The following DYNLT5 variants were observed in gnomAD, a reference collection of about 807,000 sequenced individuals.
The protein encoded by DYNLT5 is dynein light chain Tctex-type 5.
A neutral mutation model predicts 19.3 loss-of-function variants in DYNLT5; 25 were observed. That is an observed-to-expected ratio of 1.30 (90% CI 0.95 to 1.81). The LOEUF is 1.81. Ranked by LOEUF, DYNLT5 falls within the 40% of genes most tolerant of loss-of-function variation. DYNLT5 has a pLI of 0.00. For synonymous variants in DYNLT5, 82 were observed against 68.9 expected, an observed-to-expected ratio of 1.19 and a Z score of -0.94; for missense variants, 232 against 217.9, an observed-to-expected ratio of 1.06 and a Z score of -0.41.
At chr1:66,765,640 CTT>C (rs11399958) in intron 2 of DYNLT5, among the ~76,000 whole-genome samples, 70 of 138,618 alleles carry the variant, frequency 5.0e-4, no homozygotes, top group Non-Finnish European at 5.5e-4. Flanking sequence ...TTTTCTTTTT[CTT>C]TTTTTTTTTT....
intron 3 of DYNLT5, among the ~76,000 whole-genome samples, chr1:66,772,458 C>T (rs1427264554): frequency 1.3e-5 from 2 of 152,196 alleles, no homozygotes; most frequent in African/African-American, 4.8e-5. Flanking sequence ...ACCTTCCTGG[C>T]CCCAACACCT....
chr1:66,777,057 A>C (rs1645240399), intron 4 of DYNLT5, among the ~76,000 whole-genome samples, 194 bp from the exon 5 acceptor site: 1 of 152,170 alleles, frequency 6.6e-6, no homozygotes, highest in Admixed American at 6.5e-5. Flanking sequence ...TGGTGTTAAA[A>C]TTTTGTTCCT....
chr1:66,769,381 T>G (rs1255639021), intron 2 of DYNLT5, among the ~76,000 whole-genome samples: 1 of 152,160 alleles, frequency 6.6e-6, no homozygotes, highest in African/African-American at 2.4e-5. Context: ...TTGCAAGAAG[T>G]TCATTAATTC....
At chr1:66,774,075 T>C (rs1327754880) in intron 3 of DYNLT5, among the ~76,000 whole-genome samples, 1 of 152,088 alleles carries the variant, frequency 6.6e-6, no homozygotes, top group East Asian at 1.9e-4. Flanking sequence ...GGAAAGGACA[T>C]TGGTAGCACT....
chr1:66,760,308 A>G (rs937731338), intron 2 of DYNLT5, among the ~76,000 whole-genome samples: 4 of 152,066 alleles, frequency 2.6e-5, no homozygotes, highest in Admixed American at 2.6e-4. Flanking sequence ...TTTTTTTTCC[A>G]GTATTGCATC....
At chr1:66,776,560 G>GGTGTGTGT (rs112651579) in intron 4 of DYNLT5, among the ~76,000 whole-genome samples, 157 bp downstream of exon 4, 1 of 126,588 alleles carries the variant, frequency 7.9e-6, no homozygotes, top group Non-Finnish European at 1.8e-5. Flanking sequence ...TGTGTGTGTG[G>GGTGTGTGT]GTGTGTGTGT....
chr1:66,769,242 A>G (rs192945773), intron 2 of DYNLT5, among the ~76,000 whole-genome samples: 17 of 152,312 alleles, frequency 1.1e-4, no homozygotes, highest in Non-Finnish European at 2.2e-4. Context: ...TCCACCATGA[A>G]AAAAGCAGCC....
intron 2 of DYNLT5, among the ~76,000 whole-genome samples, chr1:66,764,650 G>A (rs1298205544): frequency 6.6e-6 from 1 of 152,202 alleles, no homozygotes; most frequent in African/African-American, 2.4e-5. Flanking sequence ...AACAAAATGT[G>A]ACGTAGAGAC....
At chr1:66,758,931 A>T (rs1475163648) in intron 2 of DYNLT5, among the ~76,000 whole-genome samples, 1 of 152,194 alleles carries the variant, frequency 6.6e-6, no homozygotes, top group African/African-American at 2.4e-5. Flanking sequence ...AGATTAGAAG[A>T]TCAGAGTTAG....
At chr1:66,761,208 A>G (rs2094645426) in intron 2 of DYNLT5, among the ~76,000 whole-genome samples, 1 of 152,244 alleles carries the variant, frequency 6.6e-6, no homozygotes, top group Admixed American at 6.5e-5. Flanking sequence ...GTATTTTGCA[A>G]TAAAGGAAGT....
rs1227100998 is a variant in DYNLT5 at position 66,778,215 on chromosome 1, C to T, written c.*761C>T. ...CTTAATACTAAATGTGTCTGTAACA[C>T]ATAAAATCATTTATTGGAAAGAGAC... is the stretch of plus-strand genomic sequence containing the variant. On this transcript the variant is annotated 3_prime_UTR_variant, in exon 5 of 5. Coordinates refer to ENST00000282670, the MANE Select transcript of DYNLT5 (RefSeq NM_152665.3). 2.6e-5 allele frequency: 4 copies of T among 152,620 alleles called. No homozygotes were observed. The highest frequency in any genetic ancestry group is 4.8e-5 in the African/African-American group (2 of 41,448). 9.5% of individuals were successfully genotyped at this position (152,620 alleles called of 1,614,324 possible). A position where few individuals can be genotyped will look rare whatever the true frequency, so the allele number is the denominator to read the frequency against.
intron 2 of DYNLT5, among the ~76,000 whole-genome samples, chr1:66,763,069 G>A (rs2094648733): frequency 1.3e-5 from 2 of 152,126 alleles, no homozygotes; most frequent in Non-Finnish European, 2.9e-5. Context: ...TTGATCCATG[G>A]GCTGCAGAAT....
intron 2 of DYNLT5, among the ~76,000 whole-genome samples, chr1:66,766,621 T>C (rs540044116): frequency 1.3e-5 from 2 of 152,240 alleles, no homozygotes; most frequent in Non-Finnish European, 2.9e-5. Context: ...GCATTTTAAA[T>C]ATTTTCTCTT....
chr1:66,764,652 C>G (rs1031331341), intron 2 of DYNLT5, among the ~76,000 whole-genome samples: 3 of 152,080 alleles, frequency 2.0e-5, no homozygotes, highest in Admixed American at 2.0e-4. Flanking sequence ...CAAAATGTGA[C>G]GTAGAGACAT....
intron 2 of DYNLT5, among the ~76,000 whole-genome samples, chr1:66,764,935 A>G (rs759067030): frequency 2.6e-5 from 4 of 152,196 alleles, no homozygotes; most frequent in Non-Finnish European, 5.9e-5. Flanking sequence ...AAAAATATCC[A>G]TGGATAGTCT....
Position 66,757,227 on chromosome 1 carries a change from CA to C in DYNLT5, c.119+2451del, listed in dbSNP as rs374134793. 3.2e-3 allele frequency among the ~76,000 whole-genome samples: 486 copies of C among 152,294 alleles called. 5 individuals carry two copies. The highest frequency in any genetic ancestry group is 0.011 in the African/African-American group (467 of 41,562). On this transcript the variant is annotated intron_variant, in intron 2 of 4. Transcript: ENST00000282670. ...TCTTATATGTGGTATAAGATCAGCA[CA>C]GATTTAGCCCTACAGTCTTGGTTTC...
chr1:66,770,665 T>TA (rs1403587746), intron 3 of DYNLT5, 187 bp downstream of exon 3: 1 of 678,982 alleles, frequency 1.5e-6, no homozygotes, highest in African/African-American at 1.8e-5. Flanking sequence ...CTTGCTGTCT[T>TA]ACTTTTCTTT....
intron 2 of DYNLT5, among the ~76,000 whole-genome samples, chr1:66,762,482 C>A (rs1461864623): frequency 6.6e-6 from 1 of 152,224 alleles, no homozygotes; most frequent in African/African-American, 2.4e-5. Context: ...ACTTCCTCCA[C>A]TGAAGACTTG....
intron 2 of DYNLT5, among the ~76,000 whole-genome samples, chr1:66,760,392 G>A (rs1259226576): frequency 6.6e-6 from 1 of 152,034 alleles, no homozygotes; most frequent in Non-Finnish European, 1.5e-5. Context: ...ATGAATAATT[G>A]TTGCATTTTA....
Sources: gnomAD v4.1 joint callset for allele counts (sites outside exome capture counted in the v4.1 genomes callset) on GRCh38, gnomAD v4.1.1 for gene constraint, MANE v1.5 for transcripts, NCBI Gene and HGNC (gene_info 2026-07-23, HGNC 2026-07-21) for gene names.